SNTG1: variants seen among roughly 807,000 people sequenced by gnomAD.
SNTG1 encodes the protein gamma-1-syntrophin.
SNTG1 carries 39 observed loss-of-function variants against 74.7 expected under a neutral mutation model. The ratio of observed to expected loss-of-function variants is 0.52; its 90% CI spans 0.40 to 0.68. The LOEUF (loss-of-function observed/expected upper bound fraction) is 0.68, where lower values mean the gene tolerates loss of function less well. Ranked by LOEUF, SNTG1 falls within the 30% of genes least tolerant of loss-of-function variation. The pLI, the probability that SNTG1 is intolerant of heterozygous loss-of-function variation, is 0.00. For synonymous variants in SNTG1, 254 were observed against 217.1 expected (o/e 1.17, Z -1.49); for missense variants, 685 against 609.5 (o/e 1.12, Z -1.30).
intron 18 of SNTG1, among the ~76,000 whole-genome samples, chr8:50,782,785 T>G (rs1039724082): frequency 7.2e-5 from 11 of 152,134 alleles, no homozygotes; most frequent in Admixed American, 6.5e-4. Context: ...GGTGCTCCGG[T>G]TTTTAGAGTT....
intron 17 of SNTG1, among the ~76,000 whole-genome samples, chr8:50,731,244 G>A (rs1563789210): frequency 6.6e-6 from 1 of 152,022 alleles, no homozygotes; most frequent in Non-Finnish European, 1.5e-5. Context: ...CTGGAGAAGA[G>A]GGCACAAAAG....
chr8:50,619,288 AGATTCAGAAAGG>A (rs1397676057), intron 13 of SNTG1, among the ~76,000 whole-genome samples: 33 of 152,350 alleles, frequency 2.2e-4, no homozygotes, highest in South Asian at 2.1e-4. Context: ...TAGCAAAATT[AGATTCAGAAAGG>A]GTGCTTACAC....
chr8:50,387,835 C>T (rs1010290506), intron 2 of SNTG1, among the ~76,000 whole-genome samples: 3 of 152,058 alleles, frequency 2.0e-5, no homozygotes, highest in Admixed American at 6.6e-5. Flanking sequence ...GGGGTTGGAT[C>T]CTCAGGAGAA....
chr8:50,135,523 G>A (rs2081444251), intron 1 of SNTG1, among the ~76,000 whole-genome samples: 1 of 152,028 alleles, frequency 6.6e-6, no homozygotes, highest in South Asian at 2.1e-4. Flanking sequence ...TGATCAGTAG[G>A]AAGCAAGAAC....
intron 17 of SNTG1, among the ~76,000 whole-genome samples, chr8:50,709,504 G>T (rs1182451847): frequency 6.6e-6 from 1 of 152,054 alleles, no homozygotes; most frequent in East Asian, 1.9e-4. Flanking sequence ...TGCACTATGA[G>T]GTGCTCTTTT....
At chr8:50,713,829 G>A (rs547077900) in intron 17 of SNTG1, among the ~76,000 whole-genome samples, 1 of 152,044 alleles carries the variant, frequency 6.6e-6, no homozygotes, top group South Asian at 2.1e-4. Context: ...GAAGGCCAGG[G>A]CGGGCGGAAC....
Position 50,792,932 on chromosome 8 carries a change from T to A in SNTG1, c.*103T>A. 7.6e-7 allele frequency: 1 copy of A among 1,307,288 alleles called. No homozygotes were observed. Among genetic ancestry groups the A allele is most frequent in the South Asian group, 1.9e-5 (1 of 53,828 alleles). 81.0% of individuals were successfully genotyped at this position (1,307,288 alleles called of 1,614,324 possible). A position where few individuals can be genotyped will look rare whatever the true frequency, so the allele number is the denominator to read the frequency against. On this transcript the variant is annotated 3_prime_UTR_variant, in exon 19 of 19. Coordinates refer to ENST00000642720, the MANE Select transcript of SNTG1 (RefSeq NM_018967.5). ...AACCATAACATCACCAAGTCGACAG[T>A]GGAGGCAAATCAAAATTTCGGCAGA...
At chr8:50,622,590 T>C (rs1042636879) in intron 13 of SNTG1, among the ~76,000 whole-genome samples, 4 of 152,162 alleles carry the variant, frequency 2.6e-5, no homozygotes, top group Non-Finnish European at 5.9e-5. Context: ...CAATTTACAT[T>C]TAAAATTATA....
chr8:50,769,475 A>G (rs2095621928), intron 18 of SNTG1, among the ~76,000 whole-genome samples: 1 of 152,044 alleles, frequency 6.6e-6, no homozygotes, highest in Non-Finnish European at 1.5e-5. Context: ...GTACTGTATT[A>G]TGTTCTCATA....
At chr8:50,759,242 T>C (rs943635644) in intron 18 of SNTG1, among the ~76,000 whole-genome samples, 2 of 152,102 alleles carry the variant, frequency 1.3e-5, no homozygotes, top group Non-Finnish European at 2.9e-5. Context: ...GCAAAAATTT[T>C]CCCCCATTCT....
At chr8:50,099,263 T>A (rs548616726) in intron 1 of SNTG1, among the ~76,000 whole-genome samples, 1 of 152,208 alleles carries the variant, frequency 6.6e-6, no homozygotes, top group Admixed American at 6.5e-5. Flanking sequence ...TTTAATTGTT[T>A]TTAAACAGAA....
intron 5 of SNTG1, among the ~76,000 whole-genome samples, chr8:50,445,380 A>G (rs1249495570): frequency 6.6e-6 from 1 of 152,182 alleles, no homozygotes; most frequent in African/African-American, 2.4e-5. Flanking sequence ...CCATGCCCAT[A>G]ATATGATTGA....
chr8:49,953,910 C>A (rs1809942155), intron 1 of SNTG1, among the ~76,000 whole-genome samples: 1 of 152,182 alleles, frequency 6.6e-6, no homozygotes, highest in Non-Finnish European at 1.5e-5. Flanking sequence ...TGCATAACTA[C>A]AACTTGCTGC....
chr8:50,069,818 G>A (rs1821208975), intron 1 of SNTG1, among the ~76,000 whole-genome samples: 1 of 151,562 alleles, frequency 6.6e-6, no homozygotes, highest in Non-Finnish European at 1.5e-5. Flanking sequence ...CACCCTTCCT[G>A]CTGGGTTCAC....
intron 1 of SNTG1, among the ~76,000 whole-genome samples, chr8:50,015,640 C>A (rs1816237585): frequency 6.6e-6 from 1 of 152,076 alleles, no homozygotes; most frequent in Non-Finnish European, 1.5e-5. Context: ...CAGTTTAGTG[C>A]AAAAGTAATT....
intron 1 of SNTG1, among the ~76,000 whole-genome samples, chr8:50,010,692 TCC>T (rs902635713): frequency 3.3e-5 from 5 of 150,354 alleles, no homozygotes; most frequent in African/African-American, 4.9e-5. Flanking sequence ...ACTAAAAACA[TCC>T]CCGTAGGTAT....
intron 2 of SNTG1, among the ~76,000 whole-genome samples, chr8:50,177,019 G>A (rs1015488506): frequency 6.6e-6 from 1 of 152,088 alleles, no homozygotes; most frequent in African/African-American, 2.4e-5. Context: ...CAGCCTCTCA[G>A]GACTAAAAGT....
chr8:50,062,285 G>GAT (rs1359150099), intron 1 of SNTG1, among the ~76,000 whole-genome samples: 1 of 152,126 alleles, frequency 6.6e-6, no homozygotes, highest in African/African-American at 2.4e-5. Flanking sequence ...GACCTCAGGT[G>GAT]ATATGCCTGC....
intron 18 of SNTG1, among the ~76,000 whole-genome samples, chr8:50,780,281 C>T (rs1425612416): frequency 2.0e-5 from 3 of 152,116 alleles, no homozygotes; most frequent in African/African-American, 7.2e-5. Flanking sequence ...AGGAATGGTA[C>T]CAGTTCCTCC....
Sources: allele counts gnomAD v4.1 joint callset (sites outside exome capture counted in the v4.1 genomes callset), GRCh38; gene constraint gnomAD v4.1.1; transcripts MANE v1.5; gene names NCBI Gene and HGNC (gene_info 2026-07-23, HGNC 2026-07-21).